WDFY3: variants seen among roughly 807,000 people sequenced by gnomAD.
The protein encoded by WDFY3 is WD repeat and FYVE domain-containing protein 3.
In WDFY3, 66 loss-of-function variants were observed where a neutral mutation model predicts 409.6. That is an observed-to-expected ratio of 0.16 (90% confidence interval 0.13 to 0.20). The LOEUF is 0.20. WDFY3 is among the 10% of genes least tolerant of loss of function. The pLI, the probability that WDFY3 is intolerant of heterozygous loss-of-function variation, is 1.00. For missense variants in WDFY3, 3,031 were observed against 4,298.1 expected, an observed-to-expected ratio of 0.71 and a Z score of 8.24; for synonymous variants, 1,521 against 1,537.1, an observed-to-expected ratio of 0.99 and a Z score of 0.25.
intron 5 of WDFY3, among the ~76,000 whole-genome samples, chr4:84,842,300 A>C (rs1477966215): frequency 6.6e-6 from 1 of 152,026 alleles, no homozygotes; most frequent in Admixed American, 6.6e-5. Context: ...AACATGGAGA[A>C]ACCCCATCTC....
At chr4:84,790,949 A>T (rs1177778465) in intron 21 of WDFY3, among the ~76,000 whole-genome samples, 1 of 152,126 alleles carries the variant, frequency 6.6e-6, no homozygotes, top group African/African-American at 2.4e-5. Flanking sequence ...AAAAAAAAAA[A>T]GTGTTGACAC....
chr4:84,956,487 T>C (rs531202516), intron 1 of WDFY3, among the ~76,000 whole-genome samples: 3 of 152,330 alleles, frequency 2.0e-5, no homozygotes, highest in African/African-American at 7.2e-5. Context: ...TGAAGTGCCA[T>C]TATCAATAGG....
intron 3 of WDFY3, among the ~76,000 whole-genome samples, chr4:84,895,633 T>TTCA (rs1394951604): frequency 6.6e-6 from 1 of 152,154 alleles, no homozygotes; most frequent in Non-Finnish European, 1.5e-5. Flanking sequence ...AGTAGGAGGG[T>TTCA]TATATATGTA....
intron 10 of WDFY3, among the ~76,000 whole-genome samples, chr4:84,824,762 T>A (rs1350883501): frequency 2.0e-5 from 3 of 152,178 alleles, no homozygotes; most frequent in Non-Finnish European, 2.9e-5. Flanking sequence ...TCAATACTGC[T>A]AGAAAATGTA....
At chr4:84,867,748 G>A (rs756066028) in intron 3 of WDFY3, among the ~76,000 whole-genome samples, 10 of 152,252 alleles carry the variant, frequency 6.6e-5, no homozygotes, top group Non-Finnish European at 1.3e-4. Context: ...TAGCTCTGCT[G>A]AAAACTTTAA....
At chr4:84,776,138 T>C (rs1178432522) in intron 27 of WDFY3, among the ~76,000 whole-genome samples, 1 of 152,024 alleles carries the variant, frequency 6.6e-6, no homozygotes, top group Non-Finnish European at 1.5e-5. Flanking sequence ...TATAAACATA[T>C]AGAAGTAAAT....
chr4:84,817,431 G>A lies in WDFY3; in HGVS notation c.1848C>T (p.Ala616=), dbSNP rs1174160179. 4 of 1,613,506 alleles carry A rather than the reference G, an allele frequency of 2.5e-6. No individual in the cohort carries two copies. The highest frequency in any genetic ancestry group is 3.4e-6 in the Non-Finnish European group (4 of 1,179,744). Residue 616 remains alanine, a synonymous_variant, in exon 13 of 68, where the codon GCC becomes GCT. Coordinates refer to ENST00000295888, the MANE Select transcript of WDFY3 (RefSeq NM_014991.6). ...MGTLLGLMHS[A]PPTELQLKTD... ...TCTTCAACTGCAATTCCGTCGGTGG[G>A]GCTGAATGCATTAGCCCCAGGAGAG...
At chr4:84,715,949 T>A (rs1733821246) in intron 49 of WDFY3, among the ~76,000 whole-genome samples, 1 of 151,528 alleles carries the variant, frequency 6.6e-6, no homozygotes, top group Admixed American at 6.6e-5. Context: ...TATAATTTTA[T>A]AAAATTATAG....
chr4:84,685,727 T>C (rs1000488719), intron 62 of WDFY3, among the ~76,000 whole-genome samples: 3 of 152,114 alleles, frequency 2.0e-5, no homozygotes, highest in Non-Finnish European at 4.4e-5. Flanking sequence ...ACAACAGAAA[T>C]AGAAATCTTT....
intron 3 of WDFY3, among the ~76,000 whole-genome samples, chr4:84,875,601 T>C (rs1762676317): frequency 6.6e-6 from 1 of 152,200 alleles, no homozygotes; most frequent in African/African-American, 2.4e-5. Flanking sequence ...AAAAAAACTT[T>C]TGGACTCTTA....
chr4:84,723,155 C>G (rs1735102929), intron 46 of WDFY3, among the ~76,000 whole-genome samples: 1 of 152,190 alleles, frequency 6.6e-6, no homozygotes, highest in African/African-American at 2.4e-5. Context: ...AATTCAATAA[C>G]TATGCTGGTG....
At chr4:84,803,235 C>T (rs192162780) in intron 16 of WDFY3, 55 bp downstream of exon 16, 2 of 1,517,052 alleles carry the variant, frequency 1.3e-6, no homozygotes, top group Admixed American at 2.2e-5. Flanking sequence ...ATCATACTCA[C>T]ATCCTTTCAT....
intron 32 of WDFY3, among the ~76,000 whole-genome samples, chr4:84,760,155 C>T (rs1440775054): frequency 6.6e-6 from 1 of 151,780 alleles, no homozygotes; most frequent in Non-Finnish European, 1.5e-5. Flanking sequence ...GGATGAAGCC[C>T]ACCTGATCAT....
intron 19 of WDFY3, among the ~76,000 whole-genome samples, chr4:84,795,847 G>C (rs1749341928): frequency 6.6e-6 from 1 of 150,896 alleles, no homozygotes. Context: ...TTAGGCTGTT[G>C]AACTTCATGA....
chr4:84,834,335 A>G (rs1756236631), intron 7 of WDFY3, among the ~76,000 whole-genome samples: 1 of 152,230 alleles, frequency 6.6e-6, no homozygotes, highest in African/African-American at 2.4e-5. Context: ...TTTACAGAAC[A>G]GAAAACTGTA....
chr4:84,782,387 T>C (rs1746684506), intron 25 of WDFY3, among the ~76,000 whole-genome samples: 1 of 152,178 alleles, frequency 6.6e-6, no homozygotes, highest in Non-Finnish European at 1.5e-5. Flanking sequence ...TTTTTTATTT[T>C]ACTTTAAGTT....
intron 2 of WDFY3, among the ~76,000 whole-genome samples, chr4:84,929,580 G>T (rs1013161087): frequency 6.6e-6 from 1 of 151,960 alleles, no homozygotes; most frequent in Admixed American, 6.6e-5. Flanking sequence ...GGCCATCAGG[G>T]TGGGCTCTAA....
intron 6 of WDFY3, among the ~76,000 whole-genome samples, chr4:84,838,848 T>C (rs1235807907): frequency 6.6e-6 from 1 of 152,222 alleles, no homozygotes; most frequent in Admixed American, 6.5e-5. Flanking sequence ...CACATTTCTA[T>C]TTTCAATAGC....
intron 36 of WDFY3, 152 bp downstream of exon 36, chr4:84,751,331 T>C: frequency 1.3e-6 from 1 of 742,162 alleles, no homozygotes; most frequent in Non-Finnish European, 2.2e-6. Flanking sequence ...AAAGCACATG[T>C]GGGATTAAGA....
Sources: gnomAD v4.1 joint callset for allele counts (sites outside exome capture counted in the v4.1 genomes callset) on GRCh38, gnomAD v4.1.1 for gene constraint, MANE v1.5 for transcripts, NCBI Gene and HGNC (gene_info 2026-07-23, HGNC 2026-07-21) for gene names.